The following MSL3 variants were observed in gnomAD, a reference collection of about 807,000 sequenced individuals.
MSL3 encodes the protein MSL3-like 1.
MSL3 carries 5 observed loss-of-function variants against 37.2 expected under a neutral mutation model. The observed-to-expected ratio is 0.13, with a 90% CI of 0.07 to 0.28. MSL3 has a LOEUF of 0.28. MSL3 is among the 10% of genes least tolerant of loss of function. The probability of loss-of-function intolerance (pLI) is 1.00; values close to 1 mark genes in which losing one functional copy is unlikely to be tolerated. For synonymous variants in MSL3, 149 were observed against 147.6 expected (o/e 1.01, Z -0.07); for missense variants, 315 against 408.5 (o/e 0.77, Z 1.97).
intron 12 of MSL3, among the ~76,000 whole-genome samples, chrX:11,774,261 A>G (rs1157080127): frequency 3.6e-5 from 4 of 112,640 alleles, no homozygotes; most frequent in African/African-American, 1.3e-4. Flanking sequence ...GCTCATATAA[A>G]TGATGTACAT....
chrX:11,763,146 A>C (rs1384734825), intron 7 of MSL3, 149 bp downstream of exon 7: 1 of 499,934 alleles, frequency 2.0e-6, no homozygotes, highest in Admixed American at 5.3e-5. Context: ...ATCATCTAAT[A>C]TTAAAACCTT....
chrX:11,766,817 T>G (rs1317672022), intron 9 of MSL3: 2 of 753,102 alleles, frequency 2.7e-6, no homozygotes, highest in Non-Finnish European at 3.1e-6. Context: ...GCTCAGCTGC[T>G]CGCAGGCTGT....
Position 11,775,385 on chromosome X carries a change from TA to T in MSL3, c.*307del. 1 of 204,730 alleles carries T rather than the reference TA, an allele frequency of 4.9e-6. No homozygotes were observed. Among genetic ancestry groups the T allele is most frequent in the Non-Finnish European group, 8.9e-6 (1 of 112,597 alleles). The allele number at this position is 204,730 out of a possible 1,213,427, so 16.9% of individuals were successfully genotyped here. Reference sequence around the variant, plus strand: ...AGGCCATTTCAGTAGACATTGCAGTTAGTTAGCAAGAACCACATTGTCTCTT... The same window carrying T: ...AGGCCATTTCAGTAGACATTGCAGTTGTTAGCAAGAACCACATTGTCTCTT... On this transcript the variant is annotated 3_prime_UTR_variant, in exon 13 of 13. Coordinates refer to ENST00000312196, the MANE Select transcript of MSL3 (RefSeq NM_078629.4).
chrX:11,774,090 A>G (rs1164876177), intron 12 of MSL3, among the ~76,000 whole-genome samples: 1 of 111,967 alleles, frequency 8.9e-6, no homozygotes, highest in African/African-American at 3.3e-5. Context: ...TGTATATTGA[A>G]GATTCTTGAA....
chrX:11,759,521 CCTT>C, intron 1 of MSL3: 1 of 836,869 alleles, frequency 1.2e-6, no homozygotes, highest in Non-Finnish European at 1.5e-6. Context: ...TGGAGTCTCT[CCTT>C]AGTGACAAAT....
chrX:11,768,079 C>A, intron 9 of MSL3: 2 of 317,781 alleles, frequency 6.3e-6, no homozygotes, highest in Non-Finnish European at 8.3e-6. Flanking sequence ...TTAACAGCTT[C>A]ATTGACACAT....
intron 8 of MSL3, among the ~76,000 whole-genome samples, chrX:11,765,204 A>G (rs1200842740): frequency 8.9e-6 from 1 of 112,275 alleles, no homozygotes; most frequent in African/African-American, 3.2e-5. Context: ...TGCAGCAACC[A>G]AAATTGTCTC....
chrX:11,761,534 G>A lies in MSL3; in HGVS notation c.417G>A (p.Lys139=), dbSNP rs2053132790. The A allele has an allele frequency of 2.5e-6, 3 of 1,200,144 alleles. No individual in the cohort carries two copies. In the South Asian group the frequency reaches 5.4e-5, roughly 22 times the overall value. ...GTTCCTCTGACTGTAGTGAAAACAA[G>A]GATGAAGAAATAAGTGAAGAAAGTG... The part of the protein sequence containing the change: ...LSSSSDCSEN[K]DEEISEESDI... Residue 139 remains lysine, a synonymous_variant, in exon 5 of 13, where the codon AAG becomes AAA. Coordinates refer to ENST00000312196, the MANE Select transcript of MSL3 (RefSeq NM_078629.4).
At chrX:11,768,273 G>A (rs1358182855) in intron 9 of MSL3, 2 of 157,353 alleles carry the variant, frequency 1.3e-5, no homozygotes, top group Non-Finnish European at 2.4e-5. Flanking sequence ...GGTCTCTCTG[G>A]ATTTGCCTAC....
At chrX:11,761,167 A>C in intron 4 of MSL3, 1 of 387,266 alleles carries the variant, frequency 2.6e-6, no homozygotes. Context: ...ATCTTTGTAC[A>C]AACCCCTCAT....
At chrX:11,766,756 G>T (rs773201917) in intron 9 of MSL3, 18 of 753,359 alleles carry the variant, frequency 2.4e-5, no homozygotes, top group Non-Finnish European at 2.7e-5. Context: ...GCCAGCAGGC[G>T]CCAAGCACCC....
In MSL3 at chrX:11,765,585, G is replaced by C; in HGVS notation, c.1027G>C (p.Glu343Gln). Residue 343 changes from glutamate (E) to glutamine (Q), a missense_variant, in exon 9 of 13, where the codon GAA (glutamate) becomes CAA (glutamine). Transcript: ENST00000312196. ...CCCCAAAAGGCGCAAAGCTGAGCCA[G>C]AAGCATTGCAGTCTCTGAGGCGGTC... Reference protein sequence around the residue: ...ATPKRRKAEPEALQSLRRSTR... With the variant: ...ATPKRRKAEPQALQSLRRSTR... The C allele has an allele frequency of 1.7e-6, 2 of 1,211,434 alleles. No homozygotes were observed. Among genetic ancestry groups the C allele is most frequent in the Non-Finnish European group, 2.2e-6 (2 of 895,331 alleles).
intron 10 of MSL3, among the ~76,000 whole-genome samples, chrX:11,770,514 G>T (rs2053223505): frequency 9.0e-6 from 1 of 111,538 alleles, no homozygotes; most frequent in African/African-American, 3.3e-5. Context: ...AATGGTTGGG[G>T]TTCAGGCGGC....
At chrX:11,766,430 C>T (rs758381692) in intron 9 of MSL3, 45 of 752,698 alleles carry the variant, frequency 6.0e-5, no homozygotes, top group Non-Finnish European at 9.4e-6. Flanking sequence ...TAGAAACTAA[C>T]ATTAGCTATT....
Position 11,758,338 on chromosome X carries a change from C to A in MSL3, c.75C>A (p.Thr25=). Residue 25 remains threonine (T), a synonymous_variant, in exon 1 of 13, where the codon ACC becomes ACA. Coordinates refer to ENST00000312196, the MANE Select transcript of MSL3 (RefSeq NM_078629.4). ...EKVLCFEPDP[T]KARVLYDAKI... Reference sequence around the variant, plus strand: ...TGCTGTGCTTCGAGCCTGACCCCACCAAGGCGCGAGTGCTGTACGATGCCA... The same window carrying A: ...TGCTGTGCTTCGAGCCTGACCCCACAAAGGCGCGAGTGCTGTACGATGCCA... 8.8e-7 allele frequency: 1 copy of A among 1,140,843 alleles called. No individual in the cohort carries two copies. The highest frequency in any genetic ancestry group is 1.2e-6 in the Non-Finnish European group (1 of 858,207). 94.0% of individuals were successfully genotyped at this position (1,140,843 alleles called of 1,213,427 possible). A position where few individuals can be genotyped will look rare whatever the true frequency, so the allele number is the denominator to read the frequency against.
chrX:11,763,844 G>C lies in MSL3; in HGVS notation c.814G>C (p.Val272Leu), dbSNP rs141462808. Residue 272 changes from valine to leucine, a missense_variant, in exon 8 of 13, where the codon GTT becomes CTT. Physicochemically the swap from Val to Leu is conservative, Grantham distance 32. Coordinates refer to ENST00000312196, the MANE Select transcript of MSL3 (RefSeq NM_078629.4). Reference sequence around the variant, plus strand: ...AACCTTTGATTACACTCTCCCGTTGGTTTTACTCTATCCATATGAACAAGC... The same window carrying C: ...AACCTTTGATTACACTCTCCCGTTGCTTTTACTCTATCCATATGAACAAGC... ...RITFDYTLPL[V>L]LLYPYEQAQY... 17 of 1,204,611 alleles carry C rather than the reference G, an allele frequency of 1.4e-5. No individual in the cohort carries two copies. Among genetic ancestry groups the C allele is most frequent in the Non-Finnish European group, 2.2e-6 (2 of 890,477 alleles).
At chrX:11,770,069 A>G (rs1186101804) in intron 10 of MSL3, among the ~76,000 whole-genome samples, 2 of 113,109 alleles carry the variant, frequency 1.8e-5, no homozygotes, top group African/African-American at 3.2e-5. Flanking sequence ...CCATAAACAA[A>G]GGGGTGTGGC....
At chrX:11,767,496 C>CCTATAGTCCCAGCTACTTGGGAGG (rs1424056170) in intron 9 of MSL3, 6 of 118,840 alleles carry the variant, frequency 5.0e-5, no homozygotes, top group Non-Finnish European at 8.3e-5. Context: ...ATGATGTGCA[C>CCTATAGTCCCAGCTACTTGGGAGG]CTATAGTCCC....
intron 4 of MSL3, among the ~76,000 whole-genome samples, chrX:11,761,272 C>T (rs2053130056): frequency 8.9e-6 from 1 of 112,528 alleles, no homozygotes; most frequent in African/African-American, 3.2e-5. Flanking sequence ...TCCTAACTGA[C>T]AATACACTTT....
Sources: allele counts gnomAD v4.1 joint callset (sites outside exome capture counted in the v4.1 genomes callset), GRCh38; gene constraint gnomAD v4.1.1; transcripts MANE v1.5; gene names NCBI Gene and HGNC (gene_info 2026-07-23, HGNC 2026-07-21).